Variants in CFH observed in about 807,000 individuals in gnomAD.
CFH encodes the protein H factor 1 (complement).
A neutral mutation model predicts 147.3 loss-of-function variants in CFH; 53 were observed. The observed-to-expected ratio is 0.36, with a 90% CI of 0.29 to 0.45. The LOEUF is 0.45. Among genes scored for constraint, CFH ranks in the 20% least tolerant of loss-of-function variants. CFH has a pLI of 1.00. For missense variants in CFH, 1,380 were observed against 1,498.0 expected, an observed-to-expected ratio of 0.92 and a Z score of 1.30; for synonymous variants, 536 against 489.4, an observed-to-expected ratio of 1.10 and a Z score of -1.26.
intron 11 of CFH, among the ~76,000 whole-genome samples, chr1:196,722,516 A>G (rs145451904): frequency 6.6e-6 from 1 of 152,032 alleles, no homozygotes; most frequent in African/African-American, 2.4e-5. Context: ...CTGATTTTAT[A>G]ATTTTTCCCG....
chr1:196,672,394 T>G (rs952012918), intron 1 of CFH, among the ~76,000 whole-genome samples: 1 of 152,198 alleles, frequency 6.6e-6, no homozygotes, highest in African/African-American at 2.4e-5. Flanking sequence ...GTTGTTCCAA[T>G]TTGGAGTAGA....
intron 17 of CFH, among the ~76,000 whole-genome samples, chr1:196,738,638 T>G (rs1300158951): frequency 6.6e-6 from 1 of 152,234 alleles, no homozygotes; most frequent in East Asian, 1.9e-4. Flanking sequence ...ATGCAAGAGA[T>G]GGGCTCCCAC....
Position 196,652,169 on chromosome 1 carries a change from G to T in CFH, c.52G>T (p.Ala18Ser), listed in dbSNP as rs779300578. Residue 18 changes from alanine to serine, a missense_variant, in exon 1 of 22, where the codon GCA (alanine) becomes TCA (serine). By Grantham distance (99) the Ala-to-Ser change is moderately conservative. This residue lies in a region of CFH where 260 missense variants were observed against 263.3 expected (regional missense o/e 0.99). Transcript: ENST00000367429. ...ICLMLWAICV[A>S]EDCNELPPRR... Reference sequence around the variant, plus strand: ...CCTTATGTTATGGGCTATTTGTGTAGCAGAAGGTAAGATTAAAAGAGACTC... The same window carrying T: ...CCTTATGTTATGGGCTATTTGTGTATCAGAAGGTAAGATTAAAAGAGACTC... The T allele has an allele frequency of 4.2e-5, 68 of 1,609,014 alleles. No individual in the cohort carries two copies. Among genetic ancestry groups the T allele is most frequent in the Non-Finnish European group, 5.7e-5 (67 of 1,175,624 alleles).
intron 10 of CFH, among the ~76,000 whole-genome samples, chr1:196,715,352 A>G (rs1263398696): frequency 1.3e-5 from 2 of 152,058 alleles, no homozygotes; most frequent in Admixed American, 6.6e-5. Flanking sequence ...ATTAAGAAAA[A>G]TGTTTTTAAA....
intron 9 of CFH, among the ~76,000 whole-genome samples, chr1:196,696,202 AATTG>A (rs1235751871): frequency 6.6e-6 from 1 of 152,130 alleles, no homozygotes; most frequent in Non-Finnish European, 1.5e-5. Flanking sequence ...TCGACCATAT[AATTG>A]GAAGTAAAAC....
In CFH at chr1:196,737,616, C is replaced by G. The variant is rs1652607400; in HGVS notation, c.2738C>G (p.Thr913Arg). 2.5e-6 allele frequency: 4 copies of G among 1,613,236 alleles called. No individual in the cohort carries two copies. Among genetic ancestry groups the G allele is most frequent in the Non-Finnish European group, 3.4e-6 (4 of 1,179,590 alleles). ...GGFRISEENE[T>R]TCYMGKWSSP... ...TTCAGGATATCTGAAGAAAATGAAA[C>G]AACATGCTACATGGGAAAATGGAGT... The change falls in exon 17 of 22, where the codon ACA becomes AGA. Residue 913 changes from threonine (T) to arginine (R), a missense_variant. Thr to Arg is a moderately conservative substitution (Grantham distance 71). Around this residue, in one of 4 missense-constraint regions of CFH, gnomAD observed 830 missense variants for 821.4 expected, o/e 1.01. Coordinates refer to ENST00000367429, the MANE Select transcript of CFH (RefSeq NM_000186.4).
At chr1:196,728,735 A>G (rs537895985) in intron 15 of CFH, among the ~76,000 whole-genome samples, 4,159 of 91,794 alleles carry the variant, frequency 0.045, 178 homozygotes, top group African/African-American at 0.13. Flanking sequence ...ACACACACGC[A>G]CACACACACA....
intron 2 of CFH, 49 bp from the exon 3 acceptor site, chr1:196,673,808 A>G (rs746806917): frequency 4.4e-6 from 5 of 1,135,778 alleles, no homozygotes; most frequent in Middle Eastern, 1.9e-4. Flanking sequence ...TACATAAAAT[A>G]TATTCCTTGC....
chr1:196,721,561 T>C (rs977192337), intron 11 of CFH, among the ~76,000 whole-genome samples: 6 of 152,030 alleles, frequency 3.9e-5, no homozygotes, highest in African/African-American at 1.4e-4. Flanking sequence ...TTAAAATGTC[T>C]GTTAGGTCCA....
intron 9 of CFH, among the ~76,000 whole-genome samples, chr1:196,698,584 T>C (rs1668357386): frequency 6.6e-6 from 1 of 152,170 alleles, no homozygotes; most frequent in African/African-American, 2.4e-5. Flanking sequence ...TAGTAATTAA[T>C]AGCCTGCCAA....
At chr1:196,704,256 A>C (rs1047523924) in intron 9 of CFH, among the ~76,000 whole-genome samples, 4 of 151,852 alleles carry the variant, frequency 2.6e-5, no homozygotes, top group African/African-American at 9.7e-5. Flanking sequence ...CACCACAGCC[A>C]GCTAATTTTT....
intron 20 of CFH, among the ~76,000 whole-genome samples, chr1:196,743,982 T>C (rs923761659): frequency 1.3e-5 from 2 of 152,158 alleles, no homozygotes; most frequent in Admixed American, 1.3e-4. Flanking sequence ...AGAGAGATCA[T>C]AGACTGTGAT....
At chr1:196,683,418 T>C (rs965433540) in intron 6 of CFH, among the ~76,000 whole-genome samples, 1 of 151,632 alleles carries the variant, frequency 6.6e-6, no homozygotes, top group African/African-American at 2.4e-5. Context: ...GGTCAGAAAC[T>C]AGGTAGTAGT....
chr1:196,732,548 A>G (rs1669304183), intron 15 of CFH, among the ~76,000 whole-genome samples: 1 of 151,992 alleles, frequency 6.6e-6, no homozygotes, highest in African/African-American at 2.4e-5. Flanking sequence ...TCTTTAACTC[A>G]CAGTGTTTCT....
chr1:196,719,905 A>T (rs140171490), intron 11 of CFH, among the ~76,000 whole-genome samples: 2,407 of 151,706 alleles, frequency 0.016, 29 homozygotes, highest in Non-Finnish European at 0.021. Flanking sequence ...TTTGTAATAT[A>T]TTAATTATGT....
At chr1:196,746,077 C>G in intron 21 of CFH, 78 bp downstream of exon 21, 7 of 1,604,294 alleles carry the variant, frequency 4.4e-6, no homozygotes, top group Non-Finnish European at 5.1e-6. Context: ...ACAAAATACT[C>G]ACAGATTATT....
intron 1 of CFH, among the ~76,000 whole-genome samples, chr1:196,654,622 A>G (rs1226787825): frequency 1.3e-5 from 2 of 152,172 alleles, no homozygotes; most frequent in Non-Finnish European, 2.9e-5. Flanking sequence ...GGGTCTAACA[A>G]TTGTGTACTA....
chr1:196,663,273 G>T (rs998436632), intron 1 of CFH, among the ~76,000 whole-genome samples: 1 of 152,024 alleles, frequency 6.6e-6, no homozygotes, highest in East Asian at 1.9e-4. Flanking sequence ...CCACACATGT[G>T]TGTCTCCATG....
chr1:196,709,302 G>C (rs203683), intron 9 of CFH, among the ~76,000 whole-genome samples: 101,347 of 151,926 alleles, frequency 0.67, 34,731 homozygotes, highest in East Asian at 0.95. Context: ...TAATTTACAT[G>C]ATTCAATTAA....
Sources: allele counts gnomAD v4.1 joint callset (sites outside exome capture counted in the v4.1 genomes callset), GRCh38; gene constraint gnomAD v4.1.1; regional missense constraint gnomAD v4.1.1; transcripts MANE v1.5; gene names NCBI Gene and HGNC (gene_info 2026-07-23, HGNC 2026-07-21).